Variants in PFKL observed in about 807,000 individuals in gnomAD.
The protein encoded by PFKL is ATP-dependent 6-phosphofructokinase, liver type.
Under a neutral mutation model 92.1 loss-of-function variants are expected in PFKL, and 74 were observed. That is an observed-to-expected ratio of 0.80 (90% CI 0.67 to 0.97). The LOEUF (loss-of-function observed/expected upper bound fraction) is 0.97, where lower values mean the gene tolerates loss of function less well. Among genes scored for constraint, PFKL ranks in the 50% least tolerant of loss-of-function variants. The probability of loss-of-function intolerance (pLI) is 0.00; values close to 1 mark genes in which losing one functional copy is unlikely to be tolerated. For missense variants in PFKL, 1,028 were observed against 1,116.6 expected (o/e 0.92, Z 1.13); for synonymous variants, 494 against 456.4 (o/e 1.08, Z -1.05).
intron 1 of PFKL, among the ~76,000 whole-genome samples, chr21:44,301,211 G>C (rs2146404720): frequency 6.6e-6 from 1 of 152,356 alleles, no homozygotes; most frequent in Admixed American, 6.5e-5. Context: ...AGGGAGGCAG[G>C]AGTGGCTCGT....
At chr21:44,310,881 G>A (rs977262453) in intron 2 of PFKL, 125 bp from the exon 3 acceptor site, 77 of 678,162 alleles carry the variant, frequency 1.1e-4, no homozygotes, top group Non-Finnish European at 1.8e-4. Flanking sequence ...GGATGATGGT[G>A]GGGCCTCACA....
chr21:44,324,356 G>C (rs565455136), intron 16 of PFKL, 135 bp from the exon 17 acceptor site: 1 of 884,928 alleles, frequency 1.1e-6, no homozygotes, highest in Non-Finnish European at 1.7e-6. Flanking sequence ...CCCAAGCCTG[G>C]TGCTGCTGGC....
chr21:44,323,150 C>G, intron 15 of PFKL, 101 bp downstream of exon 15: 2 of 986,508 alleles, frequency 2.0e-6, no homozygotes, highest in Non-Finnish European at 3.2e-6. Flanking sequence ...CTGGCTGGGC[C>G]GATGCAGGGG....
chr21:44,308,091 G>A (rs950516421), intron 2 of PFKL, among the ~76,000 whole-genome samples: 4 of 152,196 alleles, frequency 2.6e-5, no homozygotes, highest in Non-Finnish European at 4.4e-5. Context: ...GAGGCCCTCG[G>A]AGGTGGGGGA....
intron 15 of PFKL, among the ~76,000 whole-genome samples, chr21:44,323,328 G>A (rs2047408153): frequency 6.6e-6 from 1 of 152,220 alleles, no homozygotes; most frequent in Admixed American, 6.5e-5. Flanking sequence ...ATTAACCCCA[G>A]TGCTGGGGAG....
Position 44,312,263 on chromosome 21 carries a change from G to T in PFKL, c.396G>T (p.Trp132Cys). The change falls in exon 4 of 22, where the codon TGG (tryptophan) becomes TGT (cysteine). Residue 132 changes from tryptophan to cysteine, a missense_variant. By Grantham distance (215) the Trp-to-Cys change is radical. Transcript: ENST00000349048. ...GTGCCAACATCTTCCGCAGCGAGTG[G>T]GGCAGCCTGCTGGAGGAGCTGGTGG... is the stretch of plus-strand genomic sequence containing the variant. ...LTGANIFRSE[W>C]GSLLEELVAE... The T allele has an allele frequency of 1.3e-6, 2 of 1,596,736 alleles. No homozygotes were observed. The highest frequency in any genetic ancestry group is 1.7e-6 in the Non-Finnish European group (2 of 1,173,078).
intron 10 of PFKL, 116 bp downstream of exon 10, chr21:44,318,711 G>A (rs1437514892): frequency 4.3e-6 from 4 of 933,034 alleles, no homozygotes; most frequent in Non-Finnish European, 5.9e-6. Flanking sequence ...GCAGGGCCTC[G>A]TGGCTGGCCC....
chr21:44,313,788 A>T (rs1168688050), intron 6 of PFKL, 106 bp downstream of exon 6: 1 of 1,363,820 alleles, frequency 7.3e-7, no homozygotes, highest in Non-Finnish European at 1.0e-6. Flanking sequence ...CATGGGTGTG[A>T]GAGAGCCGGG....
rs1004658391 is a variant in PFKL at position 44,307,354 on chromosome 21, C to G, written c.159+600C>G. The G allele has an allele frequency of 6.3e-5, 60 of 955,710 alleles. No individual in the cohort carries two copies. In the Middle Eastern group the frequency reaches 2.6e-3, roughly 42 times the overall value. The allele number at this position is 955,710 out of a possible 1,614,324, so 59.2% of individuals were successfully genotyped here. On this transcript the variant is annotated intron_variant, in intron 2 of 21. Coordinates refer to ENST00000349048, the MANE Select transcript of PFKL (RefSeq NM_002626.6). The stretch of plus-strand genomic sequence containing the variant: ...GTATTTACACACCCACACTTGCGCT[C>G]ACACATGTGCACACACAGGCGCATT...
intron 3 of PFKL, 70 bp from the exon 4 acceptor site, chr21:44,312,035 C>T (rs1363947824): frequency 7.9e-7 from 1 of 1,263,038 alleles, no homozygotes; most frequent in African/African-American, 1.6e-5. Context: ...TCCTGGGGTC[C>T]CTCTGGTGAT....
At position 44,320,263 on chromosome 21, in the gene PFKL, C is replaced by T. The variant is rs1037179833; in HGVS notation, c.1191+116C>T. 5.4e-5 allele frequency: 46 copies of T among 846,006 alleles called. No homozygotes were observed. In the Middle Eastern group the frequency reaches 2.9e-3, roughly 54 times the overall value. The allele number at this position is 846,006 out of a possible 1,614,324, so 52.4% of individuals were successfully genotyped here. On this transcript the variant is annotated intron_variant, in intron 12 of 21. Coordinates refer to ENST00000349048, the MANE Select transcript of PFKL (RefSeq NM_002626.6). ...CCCCACCTTCCCTCCTGCTGGGGTC[C>T]GAGCTGTGAGCTGGGAGGGTGGGCC... is the stretch of plus-strand genomic sequence containing the variant.
chr21:44,320,257 G>A (rs1291869896), intron 12 of PFKL, 110 bp downstream of exon 12: 18 of 918,636 alleles, frequency 2.0e-5, no homozygotes, highest in Non-Finnish European at 2.7e-5. Flanking sequence ...CCCTCCTGCT[G>A]GGGTCCGAGC....
chr21:44,312,570 A>G (rs891823493), intron 4 of PFKL, among the ~76,000 whole-genome samples: 1 of 152,160 alleles, frequency 6.6e-6, no homozygotes, highest in Non-Finnish European at 1.5e-5. Flanking sequence ...TGCGTAGACA[A>G]GTCTTCTCTG....
At chr21:44,326,641 G>T in intron 21 of PFKL, 74 bp from the exon 22 acceptor site, 1 of 1,085,426 alleles carries the variant, frequency 9.2e-7, no homozygotes, top group Non-Finnish European at 1.3e-6. Flanking sequence ...GGGGGGTGGG[G>T]GGGCTGGGGA....
chr21:44,315,629 AGTT>A (rs2047181547), intron 7 of PFKL: 1 of 154,126 alleles, frequency 6.5e-6, no homozygotes, highest in African/African-American at 2.4e-5. Context: ...AAGCTCTTTC[AGTT>A]CCCAGAGAGC....
At chr21:44,326,377 T>C in intron 21 of PFKL, 113 bp downstream of exon 21, 1 of 801,930 alleles carries the variant, frequency 1.2e-6, no homozygotes, top group Non-Finnish European at 2.0e-6. Context: ...CCGCAAGGCC[T>C]CCTGGGCCCC....
At chr21:44,326,108 C>T (rs370841161) in intron 20 of PFKL, 48 bp downstream of exon 20, 8 of 1,602,966 alleles carry the variant, frequency 5.0e-6, no homozygotes, top group Non-Finnish European at 6.8e-6. Flanking sequence ...TCCCCTGGCT[C>T]CCTGGGGCAG....
chr21:44,309,949 C>T (rs2041067765), intron 2 of PFKL, among the ~76,000 whole-genome samples: 1 of 152,236 alleles, frequency 6.6e-6, no homozygotes, highest in Non-Finnish European at 1.5e-5. Flanking sequence ...CCTTGACCCC[C>T]TGCCTGCTTG....
At position 44,325,208 on chromosome 21, in the gene PFKL, T is replaced by C; in HGVS notation, c.1933T>C (p.Ser645Pro). 4 of 1,613,286 alleles carry C rather than the reference T, an allele frequency of 2.5e-6. No individual in the cohort carries two copies. Among genetic ancestry groups the C allele is most frequent in the Non-Finnish European group, 3.4e-6 (4 of 1,179,854 alleles). ...TTEFLYNLYS[S>P]EGKGVFDCRT... ...GGAGTTCCTGTACAACCTGTACTCA[T>C]CAGAGGGCAAGGGCGTCTTCGACTG... is the stretch of plus-strand genomic sequence containing the variant. The change falls in exon 19 of 22, where the codon TCA (serine) becomes CCA (proline). Residue 645 changes from serine (S) to proline (P), a missense_variant. By Grantham distance (74) the Ser-to-Pro change is moderately conservative (BLOSUM62 -1). Coordinates refer to ENST00000349048, the MANE Select transcript of PFKL (RefSeq NM_002626.6).
Sources: allele counts gnomAD v4.1 joint callset (sites outside exome capture counted in the v4.1 genomes callset), GRCh38; gene constraint gnomAD v4.1.1; transcripts MANE v1.5; gene names NCBI Gene and HGNC (gene_info 2026-07-23, HGNC 2026-07-21).